Variants in EIF2AK4 observed in about 807,000 individuals in gnomAD.
The protein encoded by EIF2AK4 is eukaryotic translation initiation factor 2 alpha kinase 4.
In EIF2AK4, 139 loss-of-function variants were observed where a neutral mutation model predicts 211.1. The observed-to-expected ratio is 0.66, with a 90% CI of 0.57 to 0.76. EIF2AK4 has a LOEUF of 0.76. Among genes scored for constraint, EIF2AK4 ranks in the 30% least tolerant of loss-of-function variants. EIF2AK4 has a pLI of 0.00. For missense variants in EIF2AK4, 1,664 were observed against 2,043.8 expected, an observed-to-expected ratio of 0.81 and a Z score of 3.58; for synonymous variants, 710 against 751.3, an observed-to-expected ratio of 0.94 and a Z score of 0.90.
chr15:39,955,474 A>G (rs2034376908), intron 5 of EIF2AK4, 146 bp from the exon 6 acceptor site: 1 of 771,900 alleles, frequency 1.3e-6, no homozygotes, highest in Non-Finnish European at 2.0e-6. Context: ...AGCTATTTTA[A>G]ACGATTAAAA....
chr15:40,008,357 G>GTTCA (rs1396428973), intron 25 of EIF2AK4, among the ~76,000 whole-genome samples, 162 bp downstream of exon 25: 1 of 152,162 alleles, frequency 6.6e-6, no homozygotes, highest in Non-Finnish European at 1.5e-5. Flanking sequence ...TGCTTTTGAG[G>GTTCA]TTCAGCTCAG....
In EIF2AK4 at chr15:39,972,999, G is replaced by C; in HGVS notation, c.1645G>C (p.Glu549Gln). 1.9e-6 allele frequency: 3 copies of C among 1,613,924 alleles called. No homozygotes were observed. The highest frequency in any genetic ancestry group is 2.5e-6 in the Non-Finnish European group (3 of 1,179,880). Residue 549 changes from glutamate to glutamine, a missense_variant, in exon 10 of 39, where the codon GAA becomes CAA. Physicochemically the swap from Glu to Gln is conservative, Grantham distance 29. Coordinates refer to ENST00000263791, the MANE Select transcript of EIF2AK4 (RefSeq NM_001013703.4). ...INPQPKMPLV[E>Q]QSPEDSEGQD... is the part of the protein sequence containing the mutation. Reference sequence around the variant, plus strand: ...TCCCCAGCCAAAAATGCCTCTAGTGGAACAAAGTCCTGAAGGTGAGTCTGT... The same window carrying C: ...TCCCCAGCCAAAAATGCCTCTAGTGCAACAAAGTCCTGAAGGTGAGTCTGT...
intron 34 of EIF2AK4, 98 bp downstream of exon 34, chr15:40,029,562 T>C: frequency 7.8e-7 from 1 of 1,278,378 alleles, no homozygotes; most frequent in Non-Finnish European, 1.1e-6. Flanking sequence ...GGAAATCTAT[T>C]TTTAAAATAA....
At chr15:39,955,587 C>A (rs765687999) in intron 5 of EIF2AK4, 33 bp from the exon 6 acceptor site, 1 of 1,585,742 alleles carries the variant, frequency 6.3e-7, no homozygotes, top group Admixed American at 1.9e-5. Context: ...GTATGACTTA[C>A]ATCTAAAGTA....
rs765628230 is a variant in EIF2AK4, at chr15:40,034,400, C to T, written c.4848C>T (p.Leu1616=). ...LLSRLPKQRY[L]KLVCDEIYNI... is the part of the protein sequence containing the mutation. Reference sequence around the variant, plus strand: ...CACGCCTGCCAAAGCAAAGATACCTCAAATTAGTCTGTGATGAAATTTATA... The same window carrying T: ...CACGCCTGCCAAAGCAAAGATACCTTAAATTAGTCTGTGATGAAATTTATA... The change falls in exon 38 of 39, where the codon CTC becomes CTT. Residue 1616 remains leucine (L), a synonymous_variant. Coordinates refer to ENST00000263791, the MANE Select transcript of EIF2AK4 (RefSeq NM_001013703.4). 6.2e-7 allele frequency: 1 copy of T among 1,613,960 alleles called. No homozygotes were observed. Among genetic ancestry groups the T allele is most frequent in the Non-Finnish European group, 8.5e-7 (1 of 1,179,966 alleles).
At chr15:40,003,849 T>C (rs1595422936) in intron 23 of EIF2AK4, among the ~76,000 whole-genome samples, 1 of 152,236 alleles carries the variant, frequency 6.6e-6, no homozygotes, top group Admixed American at 6.5e-5. Context: ...ACTAACAAGC[T>C]ATCTGTGGTG....
chr15:39,943,434 C>T lies in EIF2AK4; in HGVS notation c.309C>T (p.Val103=). The T allele has an allele frequency of 6.5e-7, 1 of 1,546,772 alleles. No homozygotes were observed. Among genetic ancestry groups the T allele is most frequent in the Non-Finnish European group, 8.7e-7 (1 of 1,152,876 alleles). ...CCAAAGGTCTATCAAATGAAAGTGT[C>T]AATTTGTTAAAATCTCGCCTAGAAG... is the stretch of plus-strand genomic sequence containing the variant. ...KNAKGLSNES[V]NLLKSRLEEL... The change falls in exon 3 of 39, where the codon GTC becomes GTT. Residue 103 remains valine, a synonymous_variant. Transcript: ENST00000263791.
chr15:40,006,028 C>T (rs1433314958), intron 23 of EIF2AK4, among the ~76,000 whole-genome samples: 2 of 151,874 alleles, frequency 1.3e-5, no homozygotes, highest in Non-Finnish European at 2.9e-5. Context: ...GTCACATTCA[C>T]GTGTCTGAAT....
chr15:39,999,111 G>C (rs926307372), intron 20 of EIF2AK4, among the ~76,000 whole-genome samples: 1 of 151,916 alleles, frequency 6.6e-6, no homozygotes, highest in Admixed American at 6.6e-5. Flanking sequence ...GATAAAGCTT[G>C]GGGCTTTAAG....
At chr15:40,024,286 A>C (rs1011715713) in intron 32 of EIF2AK4, among the ~76,000 whole-genome samples, 1 of 149,798 alleles carries the variant, frequency 6.7e-6, no homozygotes, top group Non-Finnish European at 1.5e-5. Flanking sequence ...GGGCTCAAGC[A>C]ATCTTCTCAC....
chr15:39,993,134 AC>A (rs2034972259), intron 18 of EIF2AK4, among the ~76,000 whole-genome samples: 1 of 143,034 alleles, frequency 7.0e-6, no homozygotes, highest in African/African-American at 2.6e-5. Flanking sequence ...CCATCCACCC[AC>A]CCATCCATCC....
At position 39,955,824 on chromosome 15, in the gene EIF2AK4, A is replaced by G. The variant is rs115791419; in HGVS notation, c.743+56A>G. 892 of 1,511,488 alleles carry G rather than the reference A, an allele frequency of 5.9e-4. 2 individuals are homozygous for G. The African/African-American group carries it at 0.012, about 20-fold the overall frequency. 93.6% of individuals were successfully genotyped at this position (1,511,488 alleles called of 1,614,324 possible). A position where few individuals can be genotyped will look rare whatever the true frequency, so the allele number is the denominator to read the frequency against. Reference sequence around the variant, plus strand: ...ATGACAGATGTAGAAGGATTTTACTACATTGAAGATGTAGTGAAATTTGAT... The same window carrying G: ...ATGACAGATGTAGAAGGATTTTACTGCATTGAAGATGTAGTGAAATTTGAT... On this transcript the variant is annotated intron_variant, in intron 6 of 38. Coordinates refer to ENST00000263791, the MANE Select transcript of EIF2AK4 (RefSeq NM_001013703.4).
chr15:39,941,309 G>T (rs1451979389), intron 2 of EIF2AK4, among the ~76,000 whole-genome samples: 1 of 152,136 alleles, frequency 6.6e-6, no homozygotes, highest in Non-Finnish European at 1.5e-5. Flanking sequence ...CTGGTGACCA[G>T]TCCTGATCCT....
At chr15:40,009,483 C>T in intron 25 of EIF2AK4, 131 bp from the exon 26 acceptor site, 2 of 588,604 alleles carry the variant, frequency 3.4e-6, no homozygotes, top group Non-Finnish European at 5.9e-6. Flanking sequence ...AAAAAATAAA[C>T]TAGGAAGCCA....
chr15:39,996,928 C>A, intron 18 of EIF2AK4, 36 bp from the exon 19 acceptor site: 1 of 1,408,212 alleles, frequency 7.1e-7, no homozygotes, highest in Non-Finnish European at 1.0e-6. Flanking sequence ...ACTTTCATAT[C>A]AAGGCTCTCT....
intron 29 of EIF2AK4, 28 bp downstream of exon 29, chr15:40,017,270 T>C (rs2035315636): frequency 1.3e-6 from 2 of 1,576,630 alleles, no homozygotes; most frequent in Non-Finnish European, 1.7e-6. Flanking sequence ...ATTTATTTGC[T>C]CTGACTTAAT....
chr15:39,992,659 G>C (rs959427761), intron 17 of EIF2AK4, 110 bp from the exon 18 acceptor site: 2 of 864,790 alleles, frequency 2.3e-6, no homozygotes, highest in Non-Finnish European at 3.8e-6. Context: ...GAGTGGCATA[G>C]ACAGTTAACA....
intron 31 of EIF2AK4, 31 bp downstream of exon 31, chr15:40,021,058 G>A: frequency 3.1e-6 from 5 of 1,606,560 alleles, no homozygotes; most frequent in Non-Finnish European, 4.3e-6. Flanking sequence ...TGTGAGTGAA[G>A]TGCAAATTGC....
chr15:39,965,940 A>T, intron 8 of EIF2AK4, 97 bp downstream of exon 8: 2 of 1,492,138 alleles, frequency 1.3e-6, no homozygotes, highest in Non-Finnish European at 1.8e-6. Context: ...CCCTGCAGAG[A>T]TGGTCCAGAG....
Sources: gnomAD v4.1 joint callset for allele counts (sites outside exome capture counted in the v4.1 genomes callset) on GRCh38, gnomAD v4.1.1 for gene constraint, MANE v1.5 for transcripts, NCBI Gene and HGNC (gene_info 2026-07-23, HGNC 2026-07-21) for gene names.